TECTA: variants seen among roughly 807,000 people sequenced by gnomAD.
TECTA encodes the protein alpha-tectorin.
A neutral mutation model predicts 216.8 loss-of-function variants in TECTA; 128 were observed. That is an observed-to-expected ratio of 0.59 (90% CI 0.51 to 0.68). The LOEUF (loss-of-function observed/expected upper bound fraction) is 0.68, where lower values mean the gene tolerates loss of function less well. Ranked by LOEUF, TECTA falls within the 30% of genes least tolerant of loss-of-function variation. The pLI, the probability that TECTA is intolerant of heterozygous loss-of-function variation, is 0.00. For missense variants in TECTA, 2,551 were observed against 2,786.2 expected, an observed-to-expected ratio of 0.92 and a Z score of 1.90; for synonymous variants, 1,089 against 1,117.1, an observed-to-expected ratio of 0.97 and a Z score of 0.50.
At chr11:121,121,410 C>T (rs11218148) in intron 7 of TECTA, among the ~76,000 whole-genome samples, 37 of 152,066 alleles carry the variant, frequency 2.4e-4, no homozygotes, top group African/African-American at 7.7e-4. Flanking sequence ...AGCAAACAGG[C>T]GAGGCTTATC....
At chr11:121,165,731 A>G (rs1412122726) in intron 17 of TECTA, among the ~76,000 whole-genome samples, 5 of 152,224 alleles carry the variant, frequency 3.3e-5, no homozygotes, top group Non-Finnish European at 7.3e-5. Context: ...AGCCAGATTT[A>G]TTTGACCCAA....
At chr11:121,165,430 A>G (rs1240825076) in intron 17 of TECTA, 47 bp downstream of exon 17, 2 of 1,494,936 alleles carry the variant, frequency 1.3e-6, no homozygotes, top group African/African-American at 2.8e-5. Context: ...CCCATGGGAG[A>G]TGCTGCTCTG....
At chr11:121,136,919 G>A (rs978357441) in intron 10 of TECTA, among the ~76,000 whole-genome samples, 7 of 152,228 alleles carry the variant, frequency 4.6e-5, no homozygotes, top group African/African-American at 1.7e-4. Context: ...GCCTAGGACA[G>A]TGCCTGGCAT....
intron 11 of TECTA, among the ~76,000 whole-genome samples, chr11:121,143,783 A>G (rs1946808140): frequency 6.6e-6 from 1 of 152,186 alleles, no homozygotes; most frequent in South Asian, 2.1e-4. Flanking sequence ...CTGTTGTCTT[A>G]GGTCAGGTTC....
At position 121,190,962 on chromosome 11, in the gene TECTA, C is replaced by T. The variant is rs1021887037; in HGVS notation, c.*156C>T. The T allele has an allele frequency of 3.5e-5, 22 of 621,670 alleles. No individual in the cohort carries two copies. The highest frequency in any genetic ancestry group is 5.8e-5 in the Non-Finnish European group (20 of 346,192). 38.5% of individuals were successfully genotyped at this position (621,670 alleles called of 1,614,324 possible). On this transcript the variant is annotated 3_prime_UTR_variant, in exon 24 of 24. Transcript: ENST00000392793. Reference sequence around the variant, plus strand: ...CAATGGTCCAAGGTCCAGAAACCAGCGACCATCCAAGCTCCTCTTTCAGAG... The same window carrying T: ...CAATGGTCCAAGGTCCAGAAACCAGTGACCATCCAAGCTCCTCTTTCAGAG...
Position 121,125,584 on chromosome 11 carries a change from G to A in TECTA, c.1486G>A (p.Asp496Asn), listed in dbSNP as rs779115917. The A allele has an allele frequency of 2.4e-5, 39 of 1,613,840 alleles. No homozygotes were observed. The highest frequency in any genetic ancestry group is 3.1e-5 in the Non-Finnish European group (37 of 1,179,948). Reference sequence around the variant, plus strand: ...AGAGAGCTGGCGTGTGTACCACGCAGACTGGAAGTGCGACTCCGGCTGCGT... The same window carrying A: ...AGAGAGCTGGCGTGTGTACCACGCAAACTGGAAGTGCGACTCCGGCTGCGT... ...LGESWRVYHA[D>N]WKCDSGCVDN... Residue 496 changes from aspartate (D) to asparagine (N), a missense_variant, in exon 8 of 24, where the codon GAC (aspartate) becomes AAC (asparagine). This residue lies in a region of TECTA where 2,375 missense variants were observed against 2,563.9 expected (regional missense o/e 0.93). Transcript: ENST00000392793.
chr11:121,131,926 C>A (rs780034383), intron 10 of TECTA, among the ~76,000 whole-genome samples: 2 of 152,230 alleles, frequency 1.3e-5, no homozygotes, highest in Non-Finnish European at 2.9e-5. Flanking sequence ...TGTCCCGTTA[C>A]ACTGAGCATG....
chr11:121,160,012 G>A (rs1196135098), intron 14 of TECTA, 123 bp from the exon 15 acceptor site: 1 of 1,030,698 alleles, frequency 9.7e-7, no homozygotes, highest in Admixed American at 1.9e-5. Flanking sequence ...GGACAGAATG[G>A]AGTCGTTGAG....
chr11:121,159,368 T>C (rs1946975807), intron 14 of TECTA, among the ~76,000 whole-genome samples: 1 of 152,136 alleles, frequency 6.6e-6, no homozygotes, highest in African/African-American at 2.4e-5. Context: ...AAAACTGACA[T>C]TGTGGTTGAA....
Position 121,162,162 on chromosome 11 carries a change from T to C in TECTA, c.5064T>C (p.Asp1688=). The C allele has an allele frequency of 6.2e-7, 1 of 1,614,204 alleles. No homozygotes were observed. ...TGCACATCCAGAAGATGCAGGGTGA[T>C]GGCTACTGCCTGAAGCTCACCGACA... is the stretch of plus-strand genomic sequence containing the variant. The part of the protein sequence containing the change: ...DNVHIQKMQG[D]GYCLKLTDMK... Residue 1688 remains aspartate, a synonymous_variant, in exon 16 of 24, where the codon GAT becomes GAC. Transcript: ENST00000392793.
chr11:121,166,740 A>G lies in TECTA; in HGVS notation c.5546A>G (p.Gln1849Arg). The G allele has an allele frequency of 6.2e-7, 1 of 1,614,230 alleles. No homozygotes were observed. Among genetic ancestry groups the G allele is most frequent in the Non-Finnish European group, 8.5e-7 (1 of 1,180,036 alleles). ...GAGGGGGAAGATTTTATCTCCTTTC[A>G]GATCAACAACACCAAAGGGAATTGT... is the stretch of plus-strand genomic sequence containing the variant. Reference protein sequence around the residue: ...GIEGEDFISFQINNTKGNCGN... With the variant: ...GIEGEDFISFRINNTKGNCGN... Residue 1849 changes from glutamine (Q) to arginine (R), a missense_variant, in exon 18 of 24, where the codon CAG becomes CGG. By Grantham distance (43) the Gln-to-Arg change is conservative. This residue lies in a region of TECTA where 2,375 missense variants were observed against 2,563.9 expected (regional missense o/e 0.93). Transcript: ENST00000392793.
At position 121,158,150 on chromosome 11, in the gene TECTA, C is replaced by G. The variant is rs754207827; in HGVS notation, c.4615C>G (p.Leu1539Val). The part of the protein sequence containing the change: ...INFDKWSAPN[L>V]TIISPVYFYI... ...CTTCGACAAGTGGTCGGCCCCCAAC[C>G]TCACCATCATTTCGCCCGTCTACTT... Residue 1539 changes from leucine to valine, a missense_variant, in exon 14 of 24, where the codon CTC (leucine) becomes GTC (valine). Leu to Val is a conservative substitution (Grantham distance 32, BLOSUM62 1). This residue lies in a region of TECTA where 2,375 missense variants were observed against 2,563.9 expected (regional missense o/e 0.93). Coordinates refer to ENST00000392793, the MANE Select transcript of TECTA (RefSeq NM_005422.4). 1 of 1,614,196 alleles carries G rather than the reference C, an allele frequency of 6.2e-7. No homozygotes were observed. The highest frequency in any genetic ancestry group is 1.1e-5 in the South Asian group (1 of 91,086).
At chr11:121,112,917 C>A (rs1315023983) in intron 4 of TECTA, among the ~76,000 whole-genome samples, 155 bp from the exon 5 acceptor site, 3 of 152,192 alleles carry the variant, frequency 2.0e-5, no homozygotes, top group Non-Finnish European at 4.4e-5. Flanking sequence ...GAGGCGAGAA[C>A]AAATTCAGAG....
chr11:121,184,574 G>C (rs576219745), intron 20 of TECTA, among the ~76,000 whole-genome samples: 4 of 152,140 alleles, frequency 2.6e-5, no homozygotes, highest in Non-Finnish European at 5.9e-5. Context: ...TCCAAGAGAA[G>C]AAGGGTGTGG....
intron 1 of TECTA, among the ~76,000 whole-genome samples, chr11:121,102,143 T>G (rs1946351955): frequency 1.3e-5 from 2 of 152,304 alleles, no homozygotes; most frequent in Middle Eastern, 3.4e-3. Flanking sequence ...ATCGGCTCCA[T>G]TCTATGGAGA....
At chr11:121,130,353 T>A in intron 10 of TECTA, 142 bp downstream of exon 10, 3 of 978,086 alleles carry the variant, frequency 3.1e-6, no homozygotes, top group Non-Finnish European at 4.4e-6. Context: ...TAGTCTGATG[T>A]GTCCTCCCAA....
intron 20 of TECTA, among the ~76,000 whole-genome samples, chr11:121,170,498 C>T (rs1436332700): frequency 1.3e-5 from 2 of 151,928 alleles, no homozygotes; most frequent in Non-Finnish European, 2.9e-5. Context: ...TGTGAAACCT[C>T]TGTAGTGTTT....
intron 3 of TECTA, among the ~76,000 whole-genome samples, chr11:121,106,628 C>T (rs950197252): frequency 4.6e-5 from 7 of 152,062 alleles, no homozygotes; most frequent in East Asian, 3.9e-4. Flanking sequence ...TCAGAGCAGC[C>T]GAGCCTGGCT....
intron 20 of TECTA, among the ~76,000 whole-genome samples, chr11:121,173,898 T>A (rs1461171168): frequency 6.6e-6 from 1 of 152,060 alleles, no homozygotes; most frequent in Admixed American, 6.5e-5. Flanking sequence ...CTTGAAGAGG[T>A]CCTTCACGTC....
Sources: gnomAD v4.1 joint callset for allele counts (sites outside exome capture counted in the v4.1 genomes callset) on GRCh38, gnomAD v4.1.1 for gene constraint, gnomAD v4.1.1 regional missense constraint, MANE v1.5 for transcripts, NCBI Gene and HGNC (gene_info 2026-07-23, HGNC 2026-07-21) for gene names.